The following ACOX3 variants were observed in gnomAD, a reference collection of about 807,000 sequenced individuals.
ACOX3 encodes peroxisomal acyl-coenzyme A oxidase 3.
ACOX3 carries 73 observed loss-of-function variants against 81.5 expected under a neutral mutation model. That is an observed-to-expected ratio of 0.90 (90% CI 0.74 to 1.09). The LOEUF is 1.09. Among genes scored for constraint, ACOX3 ranks in the 50% least tolerant of loss-of-function variants. ACOX3 has a pLI of 0.00. For synonymous variants in ACOX3, 387 were observed against 375.1 expected (o/e 1.03, Z -0.37); for missense variants, 947 against 928.0 (o/e 1.02, Z -0.27).
At chr4:8,376,365 A>C (rs1716963985) in intron 14 of ACOX3, among the ~76,000 whole-genome samples, 1 of 145,934 alleles carries the variant, frequency 6.9e-6, no homozygotes, top group Non-Finnish European at 1.5e-5. Context: ...AAAAAAATCC[A>C]GCCAAGTGAT....
At chr4:8,380,715 C>T (rs537739733) in intron 14 of ACOX3, among the ~76,000 whole-genome samples, 16 of 152,324 alleles carry the variant, frequency 1.1e-4, no homozygotes, top group South Asian at 4.1e-4. Context: ...CATGAACCGA[C>T]GCTAGGGAGA....
chr4:8,376,599 T>C (rs1482695802), intron 14 of ACOX3, among the ~76,000 whole-genome samples: 4 of 152,172 alleles, frequency 2.6e-5, no homozygotes, highest in Non-Finnish European at 4.4e-5. Flanking sequence ...CTGTGCTTCA[T>C]GCCAGGCTGA....
rs562942815 is a variant in ACOX3, at chr4:8,416,512, T to C, written c.10A>G (p.Thr4Ala). ...AGAGCTGTGTCGCCTCCTTCCACAG[T>C]GGATGCCATCGCGTGATAAGAGCCT... MAS[T>A]VEGGDTALLP... The change falls in exon 2 of 18, where the codon ACT (threonine) becomes GCT (alanine). Residue 4 changes from threonine to alanine, a missense_variant. By Grantham distance (58) the Thr-to-Ala change is moderately conservative. Coordinates refer to ENST00000356406, the MANE Select transcript of ACOX3 (RefSeq NM_003501.3). This position sits in a 1 kb window ranked among gnomAD's most constrained non-coding sequence, Gnocchi z 4.2. 3 of 1,607,294 alleles carry C rather than the reference T, an allele frequency of 1.9e-6. No homozygotes were observed. The highest frequency in any genetic ancestry group is 2.7e-5 in the African/African-American group (2 of 74,762).
chr4:8,413,802 G>C (rs761806048), intron 5 of ACOX3, among the ~76,000 whole-genome samples: 1 of 152,264 alleles, frequency 6.6e-6, no homozygotes, highest in Admixed American at 6.5e-5. Flanking sequence ...GCAGGTACCA[G>C]AGAGGTCAAG....
chr4:8,397,107 G>T lies in ACOX3; in HGVS notation c.886C>A (p.Arg296Ser), dbSNP rs1310416814. ...YVSPFKDVRQRFGASLGSLSS... is the reference protein window; with the variant it reads ...YVSPFKDVRQSFGASLGSLSS... ...AGGCTCCCCAGGGACGCTCCAAAGCGCTGCCTGACGTCCTACGGGAGGGAC... is the reference window on the plus strand; with the variant it reads ...AGGCTCCCCAGGGACGCTCCAAAGCTCTGCCTGACGTCCTACGGGAGGGAC... The change falls in exon 9 of 18, where the codon CGC becomes AGC. Residue 296 changes from arginine (R) to serine (S), a missense_variant. Physicochemically the swap from Arg to Ser is moderately radical, Grantham distance 110. Transcript: ENST00000356406. The T allele has an allele frequency of 1.5e-5, 23 of 1,557,410 alleles. No homozygotes were observed. The highest frequency in any genetic ancestry group is 2.0e-5 in the Non-Finnish European group (23 of 1,155,256).
At chr4:8,415,699 A>G in intron 3 of ACOX3, 67 bp downstream of exon 3, 1 of 1,425,074 alleles carries the variant, frequency 7.0e-7, no homozygotes, top group Non-Finnish European at 9.8e-7. Flanking sequence ...TGGCCCTGGG[A>G]CAGGCATCCC....
intron 6 of ACOX3, among the ~76,000 whole-genome samples, 167 bp downstream of exon 6, chr4:8,410,045 G>C (rs1721550416): frequency 6.6e-6 from 1 of 152,030 alleles, no homozygotes; most frequent in Admixed American, 6.5e-5. Context: ...TGTTTGCACT[G>C]TGGGCGGGGC....
chr4:8,384,205 G>T lies in ACOX3; in HGVS notation c.1538-2598C>A, dbSNP rs1718024649. ...CAAGTGAGAGGGACGCTTGAGAAATGAGTTATGTTTGCACTGTGTTTTTTC... is the reference window on the plus strand; with the variant it reads ...CAAGTGAGAGGGACGCTTGAGAAATTAGTTATGTTTGCACTGTGTTTTTTC... On this transcript the variant is annotated intron_variant, in intron 13 of 17. Coordinates refer to ENST00000356406, the MANE Select transcript of ACOX3 (RefSeq NM_003501.3). The surrounding 1 kb of genome is among the most constrained non-coding windows in gnomAD (Gnocchi z 5.3). Among the ~76,000 whole-genome samples, 1 of 152,214 alleles carries T rather than the reference G, an allele frequency of 6.6e-6. No homozygotes were observed. The highest frequency in any genetic ancestry group is 1.5e-5 in the Non-Finnish European group (1 of 68,034).
chr4:8,429,727 T>C (rs1030240952), intron 1 of ACOX3, among the ~76,000 whole-genome samples: 2 of 151,898 alleles, frequency 1.3e-5, no homozygotes, highest in Non-Finnish European at 2.9e-5. Context: ...AAAAACAAGG[T>C]TGGGCATTAC....
At chr4:8,396,276 G>T (rs1719676884) in intron 9 of ACOX3, among the ~76,000 whole-genome samples, 1 of 152,242 alleles carries the variant, frequency 6.6e-6, no homozygotes, top group Non-Finnish European at 1.5e-5. Flanking sequence ...GGATGAAAGT[G>T]TCAAAGAGTG....
rs899106600 is a variant in ACOX3 at position 8,430,591 on chromosome 4, C to A, written c.-15+10057G>T. ...CATCTTTCGGCTGGGTGTGGTGGCT[C>A]ACACCTATAATCTTAGCACTTTGGG... On this transcript the variant is annotated intron_variant, in intron 1 of 17. Coordinates refer to ENST00000356406, the MANE Select transcript of ACOX3 (RefSeq NM_003501.3). The surrounding 1 kb of genome is among the most constrained non-coding windows in gnomAD (Gnocchi z 5.2). Among the ~76,000 whole-genome samples, 1 of 152,184 alleles carries A rather than the reference C, an allele frequency of 6.6e-6. No homozygotes were observed. The highest frequency in any genetic ancestry group is 2.4e-5 in the African/African-American group (1 of 41,436).
At chr4:8,410,746 C>G (rs1721630623) in intron 5 of ACOX3, among the ~76,000 whole-genome samples, 1 of 152,178 alleles carries the variant, frequency 6.6e-6, no homozygotes. Context: ...GAATGCCGTG[C>G]AGTCCACTCA....
intron 14 of ACOX3, among the ~76,000 whole-genome samples, chr4:8,375,767 A>C (rs1482747237): frequency 1.3e-5 from 2 of 152,216 alleles, no homozygotes; most frequent in Non-Finnish European, 2.9e-5. Flanking sequence ...AACATGCAGC[A>C]TTTGATTTTC....
rs1719496904 is a variant in ACOX3, at chr4:8,394,808, A to T, written c.1057-66T>A. Reference sequence around the variant, plus strand: ...CCATGAAGGGCAGCCCATCCCAGGGACCATGAAAGCCAGTGCAGGGAGAGG... The same window carrying T: ...CCATGAAGGGCAGCCCATCCCAGGGTCCATGAAAGCCAGTGCAGGGAGAGG... On this transcript the variant is annotated intron_variant, in intron 9 of 17. Coordinates refer to ENST00000356406, the MANE Select transcript of ACOX3 (RefSeq NM_003501.3). The surrounding 1 kb of genome is among the most constrained non-coding windows in gnomAD (Gnocchi z 5.9). 5 of 1,565,504 alleles carry T rather than the reference A, an allele frequency of 3.2e-6. No homozygotes were observed. Among genetic ancestry groups the T allele is most frequent in the Admixed American group, 3.6e-5 (2 of 56,156 alleles).
intron 13 of ACOX3, among the ~76,000 whole-genome samples, chr4:8,388,097 T>G (rs1718523660): frequency 6.6e-6 from 1 of 152,252 alleles, no homozygotes; most frequent in Non-Finnish European, 1.5e-5. Context: ...GAGCTCGGCA[T>G]GGGCTGGGCC....
rs553581882 is a variant in ACOX3, at chr4:8,426,084, A to G, written c.-14-9549T>C. 2.3e-3 allele frequency among the ~76,000 whole-genome samples: 354 copies of G among 152,310 alleles called. 2 individuals carry two copies. Among genetic ancestry groups the G allele is most frequent in the Non-Finnish European group, 4.1e-3 (280 of 68,030 alleles). On this transcript the variant is annotated intron_variant, in intron 1 of 17. Transcript: ENST00000356406. ...GGACTTAGCCCATACGAAATGCTGT[A>G]TGGACAGCCCTTCCTAACCAATGAC... is the stretch of plus-strand genomic sequence containing the variant.
At position 8,394,395 on chromosome 4, in the gene ACOX3, G is replaced by C. The variant is rs188125896; in HGVS notation, c.1179+225C>G. On this transcript the variant is annotated intron_variant, in intron 10 of 17. Transcript: ENST00000356406. This position sits in a 1 kb window ranked among gnomAD's most constrained non-coding sequence, Gnocchi z 5.9. ...ACAGCTGAACTCACAGACTGGAACCGGGAGTCGTGTCAGCACATCCTTGAG... is the reference window on the plus strand; with the variant it reads ...ACAGCTGAACTCACAGACTGGAACCCGGAGTCGTGTCAGCACATCCTTGAG... 3.3e-5 allele frequency among the ~76,000 whole-genome samples: 5 copies of C among 152,228 alleles called. No individual in the cohort carries two copies. The highest frequency in any genetic ancestry group is 7.3e-5 in the Non-Finnish European group (5 of 68,038).
At chr4:8,380,581 G>A (rs1035511288) in intron 14 of ACOX3, among the ~76,000 whole-genome samples, 17 of 152,196 alleles carry the variant, frequency 1.1e-4, no homozygotes, top group African/African-American at 4.1e-4. Flanking sequence ...TCCTAGAGGA[G>A]CTGGCCTGAG....
rs1578927478 is a variant in ACOX3, at chr4:8,399,801, A to G, written c.777-149T>C. The G allele has an allele frequency of 1.5e-6, 1 of 685,422 alleles. No individual in the cohort carries two copies. Among genetic ancestry groups the G allele is most frequent in the East Asian group, 2.7e-5 (1 of 36,422 alleles). 42.5% of individuals were successfully genotyped at this position (685,422 alleles called of 1,614,324 possible). On this transcript the variant is annotated intron_variant, in intron 7 of 17. Transcript: ENST00000356406. This position sits in a 1 kb window ranked among gnomAD's most constrained non-coding sequence, Gnocchi z 4.9. The stretch of plus-strand genomic sequence containing the variant: ...GACAGGAACATTCAACCAACTTTCT[A>G]TTCAAAAAAGTAGTCTAGTCAGGAA...
Sources: gnomAD v4.1 joint callset for allele counts (sites outside exome capture counted in the v4.1 genomes callset) on GRCh38, gnomAD v4.1.1 for gene constraint, Gnocchi (gnomAD v3.1) non-coding constraint, MANE v1.5 for transcripts, NCBI Gene and HGNC (gene_info 2026-07-23, HGNC 2026-07-21) for gene names.